The following XRCC4 variants were observed in gnomAD, a reference collection of about 807,000 sequenced individuals.
XRCC4 encodes the protein DNA repair protein XRCC4.
A neutral mutation model predicts 39.1 loss-of-function variants in XRCC4; 28 were observed. The observed-to-expected ratio is 0.72, with a 90% CI of 0.53 to 0.98. The LOEUF is 0.98. Among genes scored for constraint, XRCC4 ranks in the 50% least tolerant of loss-of-function variants. XRCC4 has a pLI of 0.00. For synonymous variants in XRCC4, 123 were observed against 126.4 expected, an observed-to-expected ratio of 0.97 and a Z score of 0.18; for missense variants, 350 against 376.4, an observed-to-expected ratio of 0.93 and a Z score of 0.58.
intron 7 of XRCC4, chr5:83,280,651 T>A (rs1580460155): frequency 6.6e-6 from 2 of 301,084 alleles, no homozygotes; most frequent in Non-Finnish European, 1.3e-5. Context: ...CATGATAGAC[T>A]CCTCTCCAGC....
intron 7 of XRCC4, among the ~76,000 whole-genome samples, chr5:83,344,696 G>T (rs1434011250): frequency 6.6e-6 from 1 of 151,912 alleles, no homozygotes; most frequent in African/African-American, 2.4e-5. Flanking sequence ...TTTCACTGTT[G>T]CAAACAATGC....
chr5:83,181,296 T>C (rs1216834860), intron 3 of XRCC4, among the ~76,000 whole-genome samples: 1 of 152,118 alleles, frequency 6.6e-6, no homozygotes, highest in Non-Finnish European at 1.5e-5. Context: ...TATGACTCTT[T>C]AAATATTATC....
At chr5:83,280,159 T>C in intron 7 of XRCC4, 1 of 245,736 alleles carries the variant, frequency 4.1e-6, no homozygotes, top group East Asian at 1.0e-4. Context: ...ATCGAGAAGT[T>C]TCCCATCAAT....
intron 7 of XRCC4, among the ~76,000 whole-genome samples, chr5:83,270,758 C>T (rs1342947213): frequency 1.4e-5 from 2 of 138,188 alleles, no homozygotes; most frequent in African/African-American, 2.9e-5. Context: ...TTCATTTTTT[C>T]GAAAAAAAAA....
At chr5:83,103,623 T>G (rs1451709782) in intron 1 of XRCC4, among the ~76,000 whole-genome samples, 1 of 152,188 alleles carries the variant, frequency 6.6e-6, no homozygotes, top group Non-Finnish European at 1.5e-5. Context: ...CAGCAGTATT[T>G]GTAATAGTCA....
At chr5:83,170,021 A>C (rs1387489848) in intron 3 of XRCC4, among the ~76,000 whole-genome samples, 1 of 152,202 alleles carries the variant, frequency 6.6e-6, no homozygotes, top group Non-Finnish European at 1.5e-5. Flanking sequence ...GTTTTAGTAG[A>C]AACTTAGCCA....
chr5:83,330,680 C>G (rs530105294), intron 7 of XRCC4, among the ~76,000 whole-genome samples: 3 of 151,816 alleles, frequency 2.0e-5, no homozygotes, highest in Non-Finnish European at 4.4e-5. Flanking sequence ...GTTTAATATA[C>G]TATTATGCCC....
chr5:83,133,882 A>G (rs1359110989), intron 3 of XRCC4, among the ~76,000 whole-genome samples: 1 of 152,120 alleles, frequency 6.6e-6, no homozygotes, highest in African/African-American at 2.4e-5. Flanking sequence ...ACCACTGCAT[A>G]TGAGGGCCCC....
At chr5:83,104,771 G>A (rs894760789) in intron 1 of XRCC4, 139 bp from the exon 2 acceptor site, 4 of 631,770 alleles carry the variant, frequency 6.3e-6, no homozygotes, top group Non-Finnish European at 1.1e-5. Flanking sequence ...GAATCTAATG[G>A]TTGAACCTAT....
chr5:83,196,847 A>G (rs930484395), intron 4 of XRCC4, among the ~76,000 whole-genome samples: 2 of 151,814 alleles, frequency 1.3e-5, no homozygotes, highest in African/African-American at 4.8e-5. Flanking sequence ...TAGCGCAACC[A>G]TTGTGATTGC....
At chr5:83,127,478 T>C (rs796672139) in intron 3 of XRCC4, among the ~76,000 whole-genome samples, 13 of 152,258 alleles carry the variant, frequency 8.5e-5, no homozygotes, top group African/African-American at 2.9e-4. Context: ...CCATGTAAGA[T>C]GTGCCTTTCA....
intron 3 of XRCC4, among the ~76,000 whole-genome samples, chr5:83,134,383 A>T (rs1033798222): frequency 6.6e-6 from 1 of 151,914 alleles, no homozygotes; most frequent in African/African-American, 2.4e-5. Context: ...ACCATTCAGC[A>T]CTCTGTGTCT....
intron 1 of XRCC4, among the ~76,000 whole-genome samples, chr5:83,093,952 G>GAA: frequency 6.6e-6 from 1 of 151,902 alleles, no homozygotes; most frequent in East Asian, 2.0e-4. Flanking sequence ...TCCTGGTCTG[G>GAA]GGTTTCTGCT....
rs1481948454 is a variant in XRCC4, at chr5:83,195,905, CTTCT to C, written c.452_455del (p.Leu151ArgfsTer15). The C allele has an allele frequency of 6.2e-7, 1 of 1,611,064 alleles. No homozygotes were observed. The highest frequency in any genetic ancestry group is 1.7e-5 in the Admixed American group (1 of 59,710). Reference sequence around the variant, plus strand: ...GCACCTGCAGAAAGAAAATGAAAGGCTTCTGAGAGATTGGAATGATGTTCAAGGA... The same window carrying C: ...GCACCTGCAGAAAGAAAATGAAAGGCGAGAGATTGGAATGATGTTCAAGGA... On this transcript the variant is annotated frameshift_variant, in exon 4 of 8. Coordinates refer to ENST00000396027, the MANE Select transcript of XRCC4 (RefSeq NM_003401.5). LOFTEE classifies it high-confidence loss of function.
intron 1 of XRCC4, among the ~76,000 whole-genome samples, chr5:83,085,339 TAAGAA>T: frequency 6.6e-6 from 1 of 152,290 alleles, no homozygotes; most frequent in Non-Finnish European, 1.5e-5. Flanking sequence ...AGTTCCTGTT[TAAGAA>T]ATGTGACCCT....
chr5:83,142,502 G>A (rs1748230408), intron 3 of XRCC4, among the ~76,000 whole-genome samples: 1 of 152,144 alleles, frequency 6.6e-6, no homozygotes, highest in Non-Finnish European at 1.5e-5. Context: ...TAATTTAGTT[G>A]ATTTATTAAA....
chr5:83,259,426 G>A (rs550988527), intron 7 of XRCC4: 1 of 152,160 alleles, frequency 6.6e-6, no homozygotes, highest in South Asian at 2.1e-4. Context: ...TCACAGGATG[G>A]AATGAGGGTA....
chr5:83,102,176 A>G (rs1194687593), intron 1 of XRCC4, among the ~76,000 whole-genome samples: 1 of 152,090 alleles, frequency 6.6e-6, no homozygotes, highest in African/African-American at 2.4e-5. Flanking sequence ...TTATAATACA[A>G]CTAGACTACC....
intron 3 of XRCC4, among the ~76,000 whole-genome samples, chr5:83,138,038 G>T (rs184556050): frequency 6.6e-6 from 1 of 152,002 alleles, no homozygotes; most frequent in Non-Finnish European, 1.5e-5. Context: ...CTTTATAATG[G>T]AAGTACTTGA....
Sources: gnomAD v4.1 joint callset for allele counts (sites outside exome capture counted in the v4.1 genomes callset) on GRCh38, gnomAD v4.1.1 for gene constraint, MANE v1.5 for transcripts, NCBI Gene and HGNC (gene_info 2026-07-23, HGNC 2026-07-21) for gene names.